The following EML1 variants were observed in gnomAD, a reference collection of about 807,000 sequenced individuals.
The protein encoded by EML1 is EMAP like 1.
EML1 carries 27 observed loss-of-function variants against 110.4 expected under a neutral mutation model. The observed-to-expected ratio is 0.24, with a 90% confidence interval of 0.18 to 0.34. The LOEUF (loss-of-function observed/expected upper bound fraction) is 0.34. Ranked by LOEUF, EML1 falls within the 10% of genes least tolerant of loss-of-function variation. The pLI is 1.00. For missense variants in EML1, 741 were observed against 1,030.9 expected (o/e 0.72, Z 3.85); for synonymous variants, 344 against 385.8 (o/e 0.89, Z 1.27).
chr14:99,905,745 C>T lies in EML1; in HGVS notation c.1009-1893C>T, dbSNP rs1269700659. Among the ~76,000 whole-genome samples the T allele has an allele frequency of 6.6e-6, 1 of 152,158 alleles. No individual in the cohort carries two copies. ...CTGTTCTTAGCTGAAAAGGACTTTA[C>T]TGAGAGGGACCTCTAACCCCCTAAA... On this transcript the variant is annotated intron_variant, in intron 9 of 21. Transcript: ENST00000262233. This position sits in a 1 kb window ranked among gnomAD's most constrained non-coding sequence, Gnocchi z 4.1.
intron 17 of EML1, among the ~76,000 whole-genome samples, chr14:99,932,763 T>A (rs1005957864): frequency 6.6e-6 from 1 of 152,140 alleles, no homozygotes; most frequent in African/African-American, 2.4e-5. Context: ...TGGGATGATG[T>A]TGTAACATGA....
At chr14:99,921,022 G>GT in intron 17 of EML1, 145 bp downstream of exon 17, 1 of 681,314 alleles carries the variant, frequency 1.5e-6, no homozygotes, top group Non-Finnish European at 2.4e-6. Context: ...CATCACCCAC[G>GT]TATTAAGCCC....
At chr14:99,823,252 T>C (rs2058294474) in intron 1 of EML1, among the ~76,000 whole-genome samples, 1 of 152,038 alleles carries the variant, frequency 6.6e-6, no homozygotes, top group African/African-American at 2.4e-5. Flanking sequence ...GTAGCTTCTT[T>C]TCTTCTGCTT....
intron 4 of EML1, among the ~76,000 whole-genome samples, chr14:99,887,013 G>T (rs886605109): frequency 1.3e-5 from 2 of 152,218 alleles, no homozygotes; most frequent in Non-Finnish European, 2.9e-5. Context: ...GGTGTTGACC[G>T]CACTGGTGTC....
At chr14:99,850,096 A>ATTTT in intron 1 of EML1, 3 of 312,842 alleles carry the variant, frequency 9.6e-6, no homozygotes, top group Non-Finnish European at 1.2e-5. Flanking sequence ...CACCTGGCTA[A>ATTTT]TTTTTTTTTT....
chr14:99,882,590 TA>T (rs1271235779), intron 4 of EML1, among the ~76,000 whole-genome samples: 1 of 143,654 alleles, frequency 7.0e-6, no homozygotes, highest in Non-Finnish European at 1.5e-5. Context: ...TTCCCCAGAT[TA>T]AAAGAATTGT....
rs545036138 is a variant in EML1 at position 99,912,224 on chromosome 14, T to C, written c.1494+648T>C. Among the ~76,000 whole-genome samples the C allele has an allele frequency of 1.6e-3, 243 of 152,292 alleles. 2 individuals carry two copies. Among genetic ancestry groups the C allele is most frequent in the African/African-American group, 5.7e-3 (236 of 41,564 alleles). On this transcript the variant is annotated intron_variant, in intron 13 of 21. Coordinates refer to ENST00000262233, the MANE Select transcript of EML1 (RefSeq NM_004434.3). ...CTAGCATGTTATTTTGGAGACATTA[T>C]TGCATTGAGTGAACTAGTATTTGTT...
intron 1 of EML1, among the ~76,000 whole-genome samples, chr14:99,757,327 C>A (rs1177522911): frequency 6.8e-6 from 1 of 147,670 alleles, no homozygotes; most frequent in Non-Finnish European, 1.5e-5. Flanking sequence ...CGACAGAGCA[C>A]GACTCCATTT....
At chr14:99,738,294 G>T (rs552004995) in intron 1 of EML1, among the ~76,000 whole-genome samples, 1 of 152,238 alleles carries the variant, frequency 6.6e-6, no homozygotes, top group Non-Finnish European at 1.5e-5. Context: ...ACCTCTGGGC[G>T]TTCTGAGTCC....
intron 1 of EML1, among the ~76,000 whole-genome samples, chr14:99,793,994 C>T (rs1012809775): frequency 6.6e-6 from 1 of 152,170 alleles, no homozygotes; most frequent in South Asian, 2.1e-4. Flanking sequence ...CGAGGATGCA[C>T]GCAGTGTTTG....
At chr14:99,906,743 C>T (rs1213910870) in intron 9 of EML1, 1 of 152,370 alleles carries the variant, frequency 6.6e-6, no homozygotes, top group Non-Finnish European at 1.5e-5. Flanking sequence ...ATGCCTCTGA[C>T]AATCCCAACG....
intron 4 of EML1, among the ~76,000 whole-genome samples, chr14:99,888,950 A>G (rs1333499162): frequency 3.3e-5 from 5 of 152,068 alleles, no homozygotes; most frequent in African/African-American, 1.2e-4. Context: ...CCCCGCTCAG[A>G]CGCACTCCGC....
intron 1 of EML1, among the ~76,000 whole-genome samples, chr14:99,822,585 AT>A (rs1032342645): frequency 6.6e-6 from 1 of 152,022 alleles, no homozygotes; most frequent in African/African-American, 2.4e-5. Context: ...TTTCATATTC[AT>A]TTATATTATT....
In EML1 at chr14:99,846,281, A is replaced by ATT. The variant is rs1251744096; in HGVS notation, c.68-4554_68-4553dup. Among the ~76,000 whole-genome samples the ATT allele has an allele frequency of 3.7e-3, 411 of 109,986 alleles. 16 individuals carry two copies. The highest frequency in any genetic ancestry group is 0.013 in the African/African-American group (374 of 29,004). 72.2% of individuals were successfully genotyped at this position (109,986 alleles called of 152,430 possible). Reference sequence around the variant, plus strand: ...GCCATTCTTATTTTTCCAGCTGGTGATTTTTTTTTTTTTTTTTTTGAGACA... The same window carrying ATT: ...GCCATTCTTATTTTTCCAGCTGGTGATTTTTTTTTTTTTTTTTTTTTGAGACA... On this transcript the variant is annotated intron_variant, in intron 1 of 21. Coordinates refer to ENST00000262233, the MANE Select transcript of EML1 (RefSeq NM_004434.3).
chr14:99,824,477 C>G (rs1215860609), intron 1 of EML1, among the ~76,000 whole-genome samples: 1 of 151,226 alleles, frequency 6.6e-6, no homozygotes, highest in East Asian at 1.9e-4. Flanking sequence ...AAATCAAAAT[C>G]ACAATAATAC....
rs1254312491 is a variant in EML1, at chr14:99,917,903, G to A, written c.1820+54G>A. ...TGCAAAGCTTATGGAAAAGAGGCCT[G>A]TTGTTTCTATTTCCCCAGGAACAGG... On this transcript the variant is annotated intron_variant, in intron 16 of 21. Transcript: ENST00000262233. The A allele has an allele frequency of 5.7e-6, 9 of 1,571,064 alleles. No individual in the cohort carries two copies. The Admixed American group carries it at 8.4e-5, about 15-fold the overall frequency.
intron 1 of EML1, among the ~76,000 whole-genome samples, chr14:99,755,627 C>T (rs2057241552): frequency 6.6e-6 from 1 of 152,134 alleles, no homozygotes; most frequent in Non-Finnish European, 1.5e-5. Context: ...TGGCGCTGGA[C>T]CAGCCTCTTT....
chr14:99,929,284 C>A (rs2060323981), intron 17 of EML1, among the ~76,000 whole-genome samples: 1 of 152,176 alleles, frequency 6.6e-6, no homozygotes, highest in Admixed American at 6.5e-5. Flanking sequence ...GTGACCTTTT[C>A]AGAGCAGACA....
intron 10 of EML1, among the ~76,000 whole-genome samples, chr14:99,909,024 C>G (rs1433313461): frequency 6.6e-6 from 1 of 152,174 alleles, no homozygotes; most frequent in Non-Finnish European, 1.5e-5. Flanking sequence ...GGTCCCAACT[C>G]CCTCCTCAGC....
Sources: allele counts gnomAD v4.1 joint callset (sites outside exome capture counted in the v4.1 genomes callset), GRCh38; gene constraint gnomAD v4.1.1; non-coding constraint Gnocchi (gnomAD v3.1); transcripts MANE v1.5; gene names NCBI Gene and HGNC (gene_info 2026-07-23, HGNC 2026-07-21).